ARAP1: variants seen among roughly 807,000 people sequenced by gnomAD.
ARAP1 encodes the protein arf-GAP with Rho-GAP domain, ANK repeat and PH domain-containing protein 1.
Under a neutral mutation model 172.2 loss-of-function variants are expected in ARAP1, and 76 were observed. The observed-to-expected ratio is 0.44, with a 90% CI of 0.37 to 0.53. The LOEUF is 0.53. ARAP1 is among the 20% of genes least tolerant of loss of function. The pLI, the probability that ARAP1 is intolerant of heterozygous loss-of-function variation, is 0.00. For missense variants in ARAP1, 1,686 were observed against 1,977.5 expected, an observed-to-expected ratio of 0.85 and a Z score of 2.80; for synonymous variants, 804 against 803.3, an observed-to-expected ratio of 1.00 and a Z score of -0.01.
In ARAP1 at chr11:72,695,312, T is replaced by C; in HGVS notation, c.3576+75A>G. 2.5e-6 allele frequency: 4 copies of C among 1,590,270 alleles called. No individual in the cohort carries two copies. In the South Asian group the frequency reaches 4.4e-5, roughly 18 times the overall value. On this transcript the variant is annotated intron_variant, in intron 26 of 34. Transcript: ENST00000393609. The surrounding 1 kb of genome is among the most constrained non-coding windows in gnomAD (Gnocchi z 4.4). ...CCTCTCCTCGGGGTAGAAGCACTGCTCCCCTGGCCATCTGAGCCTGTACCT... is the reference window on the plus strand; with the variant it reads ...CCTCTCCTCGGGGTAGAAGCACTGCCCCCCTGGCCATCTGAGCCTGTACCT...
In ARAP1 at chr11:72,685,678, G is replaced by C. The variant is rs765021123; in HGVS notation, c.4339C>G (p.Leu1447Val). The C allele has an allele frequency of 1.2e-6, 2 of 1,614,046 alleles. No homozygotes were observed. The highest frequency in any genetic ancestry group is 1.1e-5 in the South Asian group (1 of 91,084). The change falls in exon 35 of 35, where the codon CTG (leucine) becomes GTG (valine). Residue 1447 changes from leucine to valine, a missense_variant. Physicochemically the swap from Leu to Val is conservative, Grantham distance 32 (BLOSUM62 1). Around this residue, in one of 5 missense-constraint regions of ARAP1, gnomAD observed 379 missense variants for 500.1 expected, o/e 0.76. Coordinates refer to ENST00000393609, the MANE Select transcript of ARAP1 (RefSeq NM_001040118.3). ...AAFTADPLSL[L>V]RNV The stretch of plus-strand genomic sequence containing the variant: ...GGCTCCTGTGCTCAGACGTTGCGCA[G>C]AAGCTGCAGGAAGGCAAGAGACCCA...
chr11:72,733,117 C>A (rs915557983), intron 1 of ARAP1, among the ~76,000 whole-genome samples: 2 of 152,192 alleles, frequency 1.3e-5, no homozygotes, highest in Non-Finnish European at 2.9e-5. Context: ...AGAGGAAGGC[C>A]TTCCTGGAGG....
rs1272584238 is a variant in ARAP1, at chr11:72,714,358, C to T, written c.510-37G>A. On this transcript the variant is annotated intron_variant, in intron 3 of 34. Transcript: ENST00000393609. ...ACAAAAGTTGGGCATCACTAAGCAACAGAGCCAAGACTGAAACATACTGAG... is the reference window on the plus strand; with the variant it reads ...ACAAAAGTTGGGCATCACTAAGCAATAGAGCCAAGACTGAAACATACTGAG... The T allele has an allele frequency of 5.9e-6, 9 of 1,536,038 alleles. No homozygotes were observed. The Admixed American group carries it at 1.0e-4, about 18-fold the overall frequency.
intron 16 of ARAP1, 84 bp downstream of exon 16, chr11:72,701,564 AC>A (rs996776201): frequency 1.3e-6 from 2 of 1,521,556 alleles, no homozygotes; most frequent in Non-Finnish European, 1.8e-6. Flanking sequence ...GCCAGAGTCC[AC>A]CAGTCTGGCC....
Position 72,725,733 on chromosome 11 carries a change from T to G in ARAP1, c.509+887A>C, listed in dbSNP as rs1248710241. Among the ~76,000 whole-genome samples the G allele has an allele frequency of 1.3e-5, 2 of 152,134 alleles. No individual in the cohort carries two copies. Among genetic ancestry groups the G allele is most frequent in the African/African-American group, 2.4e-5 (1 of 41,434 alleles). ...CAGTACACAAATCTCCCAGAAGGTC[T>G]GCTGCAGGGATCATGGAGACCATAG... On this transcript the variant is annotated intron_variant, in intron 3 of 34. Transcript: ENST00000393609. This position sits in a 1 kb window ranked among gnomAD's most constrained non-coding sequence, Gnocchi z 4.3.
Position 72,687,664 on chromosome 11 carries a change from TCTCAGGATGAGGCG to T in ARAP1, c.4121+10_4121+23del. Reference sequence around the variant, plus strand: ...GCCACCATCTTTCCTCAGCCTGGGATCTCAGGATGAGGCGCTCACTCACCACTGCTGCTTCTCAT... The same window carrying T: ...GCCACCATCTTTCCTCAGCCTGGGATCTCACTCACCACTGCTGCTTCTCAT... On this transcript the variant is annotated intron_variant, in intron 32 of 34. Coordinates refer to ENST00000393609, the MANE Select transcript of ARAP1 (RefSeq NM_001040118.3). 1 of 1,614,138 alleles carries T rather than the reference TCTCAGGATGAGGCG, an allele frequency of 6.2e-7. No homozygotes were observed. Among genetic ancestry groups the T allele is most frequent in the Admixed American group, 1.7e-5 (1 of 60,018 alleles).
At chr11:72,694,165 T>G (rs976697029) in intron 27 of ARAP1, among the ~76,000 whole-genome samples, 1 of 148,878 alleles carries the variant, frequency 6.7e-6, no homozygotes, top group African/African-American at 2.5e-5. Flanking sequence ...ACGTCGAATC[T>G]CTCTGCTCTG....
chr11:72,750,087 C>T (rs1350889204), intron 1 of ARAP1, among the ~76,000 whole-genome samples: 2 of 152,198 alleles, frequency 1.3e-5, no homozygotes, highest in Non-Finnish European at 2.9e-5. Flanking sequence ...GTCCCCCACC[C>T]TTGTTCCCTC....
At chr11:72,713,073 G>T (rs1313907885) in intron 5 of ARAP1, 103 bp downstream of exon 5, 1 of 1,255,304 alleles carries the variant, frequency 8.0e-7, no homozygotes, top group Non-Finnish European at 1.1e-6. Context: ...AGCCTCCCGG[G>T]AAATGGCTGC....
Position 72,685,841 on chromosome 11 carries a change from C to A in ARAP1, c.4336-160G>T, listed in dbSNP as rs187337064. On this transcript the variant is annotated intron_variant, in intron 34 of 34. Coordinates refer to ENST00000393609, the MANE Select transcript of ARAP1 (RefSeq NM_001040118.3). ...TCCCAGGGCCAGGCAGAGGGGACTC[C>A]CAGCTTCCAGGGCCAGGCAGAAGGG... 10,002 of 1,345,214 alleles carry A rather than the reference C, an allele frequency of 7.4e-3. 57 individuals carry two copies. Among genetic ancestry groups the A allele is most frequent in the Non-Finnish European group, 8.3e-3 (7,972 of 956,886 alleles). The allele number at this position is 1,345,214 out of a possible 1,614,324, so 83.3% of individuals were successfully genotyped here.
chr11:72,696,975 G>A lies in ARAP1; in HGVS notation c.3166+8C>T. 1.2e-6 allele frequency: 2 copies of A among 1,601,146 alleles called. No homozygotes were observed. The highest frequency in any genetic ancestry group is 1.7e-6 in the Non-Finnish European group (2 of 1,178,404). ...AGGAGGAGGCTGGGCACGGGCTGCA[G>A]GGCCCACCTGAGGCCTCCAGCCAGG... On this transcript the variant is annotated splice_region_variant and intron_variant, in intron 22 of 34. Coordinates refer to ENST00000393609, the MANE Select transcript of ARAP1 (RefSeq NM_001040118.3).
chr11:72,748,881 C>T lies in ARAP1; in HGVS notation c.-128+3447G>A, dbSNP rs780950688. On this transcript the variant is annotated intron_variant, in intron 1 of 34. Coordinates refer to ENST00000393609, the MANE Select transcript of ARAP1 (RefSeq NM_001040118.3). ...GCTGGGGACACTGGGGTTGATTCAGCGGCAGCCTCTGAGTTTTGTGGGGCA... is the reference window on the plus strand; with the variant it reads ...GCTGGGGACACTGGGGTTGATTCAGTGGCAGCCTCTGAGTTTTGTGGGGCA... Among the ~76,000 whole-genome samples the T allele has an allele frequency of 3.9e-5, 6 of 152,298 alleles. No individual in the cohort carries two copies. In the South Asian group the frequency reaches 1.0e-3, roughly 26 times the overall value.
intron 7 of ARAP1, 47 bp downstream of exon 7, chr11:72,712,149 C>A: frequency 6.6e-7 from 1 of 1,509,566 alleles, no homozygotes; most frequent in Non-Finnish European, 8.8e-7. Context: ...ACACTGCCCC[C>A]CACCCCCCCA....
rs766391766 is a variant in ARAP1, at chr11:72,711,515, G to A, written c.1023-16C>T. The A allele has an allele frequency of 5.6e-6, 9 of 1,602,852 alleles. No homozygotes were observed. The Admixed American group carries it at 1.2e-4, about 21-fold the overall frequency. ...GATGTAAGATCTGGAGAGGGAGAGG[G>A]ACAACAAGCAAATGACCGGGGGTAG... On this transcript the variant is annotated splice_polypyrimidine_tract_variant and intron_variant, in intron 7 of 34. Coordinates refer to ENST00000393609, the MANE Select transcript of ARAP1 (RefSeq NM_001040118.3).
intron 30 of ARAP1, among the ~76,000 whole-genome samples, chr11:72,690,479 C>T (rs1267259800): frequency 2.0e-5 from 3 of 152,180 alleles, no homozygotes; most frequent in Non-Finnish European, 2.9e-5. Context: ...AACCCCAACT[C>T]ATGGGATCAA....
At position 72,714,215 on chromosome 11, in the gene ARAP1, G is replaced by A; in HGVS notation, c.616C>T (p.Pro206Ser). 6.6e-7 allele frequency: 1 copy of A among 1,519,324 alleles called. No individual in the cohort carries two copies. The highest frequency in any genetic ancestry group is 1.4e-5 in the African/African-American group (1 of 70,334). The allele number at this position is 1,519,324 out of a possible 1,614,324, so 94.1% of individuals were successfully genotyped here. The part of the protein sequence containing the change: ...STLPQGPPQP[P>S]SPPPCPPEIP... ...TCCGGGGGGCAGGGAGGTGGAGAGGGAGGCTGGGGAGGCCCCTGGGGGAGG... is the reference window on the plus strand; with the variant it reads ...TCCGGGGGGCAGGGAGGTGGAGAGGAAGGCTGGGGAGGCCCCTGGGGGAGG... The change falls in exon 4 of 35, where the codon CCC becomes TCC. Residue 206 changes from proline (P) to serine (S), a missense_variant. By Grantham distance (74) the Pro-to-Ser change is moderately conservative (BLOSUM62 -1). Around this residue, in one of 5 missense-constraint regions of ARAP1, gnomAD observed 155 missense variants for 129.2 expected, o/e 1.20. Coordinates refer to ENST00000393609, the MANE Select transcript of ARAP1 (RefSeq NM_001040118.3).
At chr11:72,701,835 T>G (rs761084749) in intron 15 of ARAP1, 52 bp from the exon 16 acceptor site, 1 of 1,594,692 alleles carries the variant, frequency 6.3e-7, no homozygotes, top group Non-Finnish European at 8.6e-7. Context: ...CAAGAGGGTG[T>G]CCCCACCTCA....
At position 72,695,293 on chromosome 11, in the gene ARAP1, C is replaced by T. The variant is rs1370029039; in HGVS notation, c.3576+94G>A. 1.3e-6 allele frequency: 2 copies of T among 1,548,668 alleles called. No homozygotes were observed. The highest frequency in any genetic ancestry group is 1.4e-5 in the African/African-American group (1 of 73,580). On this transcript the variant is annotated intron_variant, in intron 26 of 34. Coordinates refer to ENST00000393609, the MANE Select transcript of ARAP1 (RefSeq NM_001040118.3). This position sits in a 1 kb window ranked among gnomAD's most constrained non-coding sequence, Gnocchi z 4.4. Reference sequence around the variant, plus strand: ...ATACAGGTCCCAAACTGGTCCTCTCCTCGGGGTAGAAGCACTGCTCCCCTG... The same window carrying T: ...ATACAGGTCCCAAACTGGTCCTCTCTTCGGGGTAGAAGCACTGCTCCCCTG...
chr11:72,740,208 C>T (rs1029010691), intron 1 of ARAP1, among the ~76,000 whole-genome samples: 1 of 152,368 alleles, frequency 6.6e-6, no homozygotes, highest in Non-Finnish European at 1.5e-5. Flanking sequence ...ACAACACGCA[C>T]ACCCACACAC....
Sources: gnomAD v4.1 joint callset for allele counts (sites outside exome capture counted in the v4.1 genomes callset) on GRCh38, gnomAD v4.1.1 for gene constraint, gnomAD v4.1.1 regional missense constraint, Gnocchi (gnomAD v3.1) non-coding constraint, MANE v1.5 for transcripts, NCBI Gene and HGNC (gene_info 2026-07-23, HGNC 2026-07-21) for gene names.